Variants in ME3 observed in about 807,000 individuals in gnomAD.
The protein encoded by ME3 is malic enzyme 3, also known as NADP-dependent malic enzyme, mitochondrial.
In ME3, 48 loss-of-function variants were observed where a neutral mutation model predicts 68.9. That is an observed-to-expected ratio of 0.70 (90% CI 0.55 to 0.89). The LOEUF (loss-of-function observed/expected upper bound fraction) is 0.89. Among genes scored for constraint, ME3 ranks in the 40% least tolerant of loss-of-function variants. ME3 has a pLI of 0.00. For missense variants in ME3, 675 were observed against 797.4 expected (o/e 0.85, Z 1.85); for synonymous variants, 320 against 318.8 (o/e 1.00, Z -0.04).
At chr11:86,605,774 ACTT>A (rs770096425) in intron 2 of ME3, among the ~76,000 whole-genome samples, 7 of 136,610 alleles carry the variant, frequency 5.1e-5, no homozygotes, top group Non-Finnish European at 1.1e-4. Flanking sequence ...TGGACAACTA[ACTT>A]CCCTGAGTCA....
At chr11:86,495,678 C>A (rs913154690) in intron 6 of ME3, among the ~76,000 whole-genome samples, 4 of 152,154 alleles carry the variant, frequency 2.6e-5, no homozygotes, top group African/African-American at 9.7e-5. Flanking sequence ...CATTGCTGTG[C>A]AGAGCAAAAC....
At chr11:86,543,432 T>C (rs1461359934) in intron 4 of ME3, among the ~76,000 whole-genome samples, 1 of 152,136 alleles carries the variant, frequency 6.6e-6, no homozygotes, top group Non-Finnish European at 1.5e-5. Context: ...AAGACACACA[T>C]AGGCTCAAAA....
At chr11:86,607,583 G>C (rs111867718) in intron 2 of ME3, among the ~76,000 whole-genome samples, 123 of 151,366 alleles carry the variant, frequency 8.1e-4, no homozygotes, top group African/African-American at 2.8e-3. Context: ...TAGAGTGGGA[G>C]GGGACTTAAG....
At chr11:86,444,127 G>T (rs1479223519) in intron 13 of ME3, among the ~76,000 whole-genome samples, 1 of 152,208 alleles carries the variant, frequency 6.6e-6, no homozygotes, top group Non-Finnish European at 1.5e-5. Flanking sequence ...TACAGGCATG[G>T]AGGATGGCAG....
chr11:86,597,728 C>T (rs550245020), intron 2 of ME3, among the ~76,000 whole-genome samples: 18 of 152,264 alleles, frequency 1.2e-4, no homozygotes, highest in African/African-American at 3.1e-4. Context: ...TGAGTGACCA[C>T]GGCCCGTGAC....
chr11:86,449,868 A>G (rs1470266282), intron 10 of ME3, 21 bp downstream of exon 10: 2 of 1,582,908 alleles, frequency 1.3e-6, no homozygotes, highest in East Asian at 4.5e-5. Flanking sequence ...GGAAACCTCC[A>G]GGTCTCCAGA....
chr11:86,465,993 T>A (rs945078477), intron 7 of ME3, among the ~76,000 whole-genome samples: 1 of 152,210 alleles, frequency 6.6e-6, no homozygotes, highest in Non-Finnish European at 1.5e-5. Context: ...GTGAAGACAA[T>A]GGCCATTAAG....
Position 86,575,027 on chromosome 11 carries a change from G to T in ME3, c.184-15204C>A, listed in dbSNP as rs1044056238. On this transcript the variant is annotated intron_variant, in intron 2 of 14. Coordinates refer to ENST00000543262, the Ensembl canonical transcript of ME3. Reference sequence around the variant, plus strand: ...AGGGGCCAACTTGTTCTCAGATGCAGCAAGGTGTGGGTGTGGACACAGCCT... The same window carrying T: ...AGGGGCCAACTTGTTCTCAGATGCATCAAGGTGTGGGTGTGGACACAGCCT... 3.1e-5 allele frequency among the ~76,000 whole-genome samples: 4 copies of T among 130,672 alleles called. 1 individual carries two copies. The highest frequency in any genetic ancestry group is 7.3e-5 in the Admixed American group (1 of 13,766). The allele number at this position is 130,672 out of a possible 152,430, so 85.7% of individuals were successfully genotyped here.
exon 13 of ME3, chr11:86,446,339 T>C (rs773641904): frequency 6.2e-7 from 1 of 1,614,128 alleles, no homozygotes. Context: ...GAAGATCTCA[T>C]CTGGGATGTG....
intron 2 of ME3, among the ~76,000 whole-genome samples, chr11:86,601,869 T>C (rs1438212613): frequency 6.7e-6 from 1 of 149,906 alleles, no homozygotes; most frequent in African/African-American, 2.5e-5. Flanking sequence ...ATTATCTCAA[T>C]AGATGCAGAA....
chr11:86,672,123 CT>C, intron 1 of ME3, 165 bp from the exon 2 acceptor site: 1 of 574,024 alleles, frequency 1.7e-6, no homozygotes, highest in East Asian at 3.5e-5. Flanking sequence ...CTGCCACCTG[CT>C]CGGCTCCGCG....
intron 3 of ME3, 41 bp downstream of exon 3, chr11:86,559,649 G>A: frequency 6.3e-7 from 1 of 1,583,030 alleles, no homozygotes; most frequent in South Asian, 1.1e-5. Context: ...AGACAGCTCA[G>A]CCCAAGGACC....
At chr11:86,438,217 G>T (rs568735441), downstream of ME3, among the ~76,000 whole-genome samples, 1 of 151,362 alleles carries the variant, frequency 6.6e-6, no homozygotes, top group Non-Finnish European at 1.5e-5. Flanking sequence ...TGCTTTCTTC[G>T]TATCTATTGG....
chr11:86,515,723 G>T (rs893500374), intron 4 of ME3, among the ~76,000 whole-genome samples: 1 of 152,188 alleles, frequency 6.6e-6, no homozygotes. Context: ...GATGATTGGG[G>T]TAGTCATTTA....
chr11:86,665,052 G>A (rs1012852706), intron 2 of ME3, among the ~76,000 whole-genome samples: 1 of 152,290 alleles, frequency 6.6e-6, no homozygotes, highest in South Asian at 2.1e-4. Context: ...CTTGGCAAAA[G>A]GCAGGGTGAA....
chr11:86,582,177 A>C (rs1255347413), intron 2 of ME3, among the ~76,000 whole-genome samples: 1 of 152,266 alleles, frequency 6.6e-6, no homozygotes, highest in Non-Finnish European at 1.5e-5. Context: ...AGAGCAAACT[A>C]TACCATTCCC....
At chr11:86,539,025 T>G (rs1038179419) in intron 4 of ME3, among the ~76,000 whole-genome samples, 1 of 152,182 alleles carries the variant, frequency 6.6e-6, no homozygotes, top group African/African-American at 2.4e-5. Flanking sequence ...TATGATGGCT[T>G]GGATTTGAGA....
intron 2 of ME3, among the ~76,000 whole-genome samples, chr11:86,605,328 C>T (rs1207351321): frequency 3.3e-5 from 5 of 152,244 alleles, no homozygotes; most frequent in African/African-American, 1.2e-4. Context: ...AGGGCATCTG[C>T]ACATGCTGTT....
At chr11:86,463,775 AT>A (rs1483236855) in intron 8 of ME3, among the ~76,000 whole-genome samples, 1 of 152,228 alleles carries the variant, frequency 6.6e-6, no homozygotes, top group Non-Finnish European at 1.5e-5. Context: ...ATGGACCATA[AT>A]GGGGAAAAAA....
Sources: gnomAD v4.1 joint callset for allele counts (sites outside exome capture counted in the v4.1 genomes callset) on GRCh38, gnomAD v4.1.1 for gene constraint, MANE v1.5 for transcripts, NCBI Gene and HGNC (gene_info 2026-07-23, HGNC 2026-07-21) for gene names.